Variants in SMYD3 observed in about 807,000 individuals in gnomAD.
SMYD3 encodes the protein histone-lysine N-methyltransferase SMYD3.
In SMYD3, 36 loss-of-function variants were observed where a neutral mutation model predicts 57.7. That is an observed-to-expected ratio of 0.62 (90% CI 0.48 to 0.82). SMYD3 has a LOEUF of 0.82. Among genes scored for constraint, SMYD3 ranks in the 40% least tolerant of loss-of-function variants. The pLI, the probability that SMYD3 is intolerant of heterozygous loss-of-function variation, is 0.00. For synonymous variants in SMYD3, 211 were observed against 195.0 expected (o/e 1.08, Z -0.68); for missense variants, 515 against 538.8 (o/e 0.96, Z 0.44).
rs536911034 is a variant in SMYD3 at position 246,444,157 on chromosome 1, C to T, written c.164+62897G>A. Among the ~76,000 whole-genome samples, 344 of 144,756 alleles carry T rather than the reference C, an allele frequency of 2.4e-3. 2 individuals carry two copies. The highest frequency in any genetic ancestry group is 4.1e-3 in the Non-Finnish European group (272 of 66,806). The allele number at this position is 144,756 out of a possible 152,430, so 95.0% of individuals were successfully genotyped here. On this transcript the variant is annotated intron_variant, in intron 1 of 11. Transcript: ENST00000490107. ...TTTTTTTTTTTTGGAGACAGAGTCT[C>T]GTTCTGTCACCCAGGCTAGAGTGCA...
At chr1:246,084,195 CTTTTTTT>C (rs772938424) in intron 5 of SMYD3, among the ~76,000 whole-genome samples, 1 of 135,486 alleles carries the variant, frequency 7.4e-6, no homozygotes, top group Non-Finnish European at 1.6e-5. Flanking sequence ...CTGACAATTC[CTTTTTTT>C]TTTTTTTTTT....
At chr1:245,826,343 A>G (rs1027276436) in intron 10 of SMYD3, among the ~76,000 whole-genome samples, 2 of 152,018 alleles carry the variant, frequency 1.3e-5, no homozygotes, top group African/African-American at 4.8e-5. Flanking sequence ...AGCTTCATCC[A>G]TGTTGTAGCA....
At chr1:246,358,995 C>CAA (rs113306569) in intron 1 of SMYD3, among the ~76,000 whole-genome samples, 3 of 150,962 alleles carry the variant, frequency 2.0e-5, no homozygotes, top group East Asian at 1.9e-4. Context: ...TTGAAACAAA[C>CAA]AAAAAAAATG....
intron 1 of SMYD3, among the ~76,000 whole-genome samples, chr1:246,451,196 C>A (rs187859404): frequency 1.2e-3 from 179 of 152,302 alleles, no homozygotes; most frequent in African/African-American, 4.2e-3. Context: ...TATCTGTTAG[C>A]TGACTGACAA....
chr1:245,929,949 AG>A lies in SMYD3; in HGVS notation c.532-13del. The A allele has an allele frequency of 6.2e-7, 1 of 1,611,524 alleles. No individual in the cohort carries two copies. Among genetic ancestry groups the A allele is most frequent in the Non-Finnish European group, 8.5e-7 (1 of 1,177,814 alleles). Reference sequence around the variant, plus strand: ...GAGTTGCAGATCACCTGTAAACACAAGGGGAACCATCAGTATTACTAGAGTC... The same window carrying A: ...GAGTTGCAGATCACCTGTAAACACAAGGGAACCATCAGTATTACTAGAGTC... On this transcript the variant is annotated splice_polypyrimidine_tract_variant and intron_variant, in intron 5 of 11. Transcript: ENST00000490107.
chr1:245,768,766 C>T (rs1024309413), intron 10 of SMYD3, among the ~76,000 whole-genome samples: 3 of 152,078 alleles, frequency 2.0e-5, no homozygotes, highest in African/African-American at 4.8e-5. Context: ...CACAGTGTTC[C>T]TTCCCTCCAG....
intron 1 of SMYD3, among the ~76,000 whole-genome samples, chr1:246,392,164 A>T (rs1405092272): frequency 6.6e-6 from 1 of 152,142 alleles, no homozygotes; most frequent in African/African-American, 2.4e-5. Context: ...CATAATAGGC[A>T]TTCGGTAAAT....
chr1:246,348,835 T>C (rs1227327280), intron 2 of SMYD3, among the ~76,000 whole-genome samples: 1 of 152,174 alleles, frequency 6.6e-6, no homozygotes, highest in Non-Finnish European at 1.5e-5. Flanking sequence ...TCAGTTATTC[T>C]ATTATAGCAG....
chr1:245,807,618 A>T (rs965602882), intron 10 of SMYD3, among the ~76,000 whole-genome samples: 6 of 152,188 alleles, frequency 3.9e-5, no homozygotes, highest in Admixed American at 6.5e-5. Context: ...GCATTCATGG[A>T]CTGGTAGTTA....
intron 5 of SMYD3, among the ~76,000 whole-genome samples, chr1:246,212,586 G>A (rs971843483): frequency 9.7e-6 from 1 of 103,414 alleles, no homozygotes; most frequent in African/African-American, 3.3e-5. Context: ...TTTGGTCACC[G>A]AAAAATGTCC....
At chr1:245,890,054 A>G (rs1339964871) in intron 8 of SMYD3, among the ~76,000 whole-genome samples, 2 of 151,190 alleles carry the variant, frequency 1.3e-5, no homozygotes, top group Admixed American at 6.6e-5. Flanking sequence ...CTAGATTTCT[A>G]TCTCTCACTA....
intron 5 of SMYD3, among the ~76,000 whole-genome samples, chr1:246,107,124 A>G (rs2061141351): frequency 7.6e-6 from 1 of 131,238 alleles, no homozygotes; most frequent in Non-Finnish European, 1.6e-5. Context: ...CGTCTCTACT[A>G]AAAATACAAA....
At chr1:245,955,818 C>CT (rs1404341825) in intron 5 of SMYD3, 1 of 466,382 alleles carries the variant, frequency 2.1e-6, no homozygotes, top group Non-Finnish European at 2.8e-6. Context: ...GCTTTGCATA[C>CT]TTTTGGCTAC....
At chr1:245,909,977 G>A (rs944794893) in intron 8 of SMYD3, among the ~76,000 whole-genome samples, 1 of 152,062 alleles carries the variant, frequency 6.6e-6, no homozygotes, top group Non-Finnish European at 1.5e-5. Context: ...AATTAGACAG[G>A]AGAAAAAATT....
chr1:246,476,269 A>C (rs1298604036), intron 1 of SMYD3, among the ~76,000 whole-genome samples: 1 of 152,202 alleles, frequency 6.6e-6, no homozygotes, highest in Non-Finnish European at 1.5e-5. Flanking sequence ...TGAGATGCAG[A>C]GGTTAAATTA....
intron 5 of SMYD3, among the ~76,000 whole-genome samples, chr1:245,965,026 A>G (rs1215320917): frequency 2.0e-5 from 3 of 152,184 alleles, no homozygotes; most frequent in Non-Finnish European, 2.9e-5. Flanking sequence ...TGGGCATATC[A>G]TATTTACAAC....
chr1:246,145,688 C>T lies in SMYD3; in HGVS notation c.531+181513G>A, dbSNP rs113402379. ...GCGTAAGCCTCTTAAATTGACTTTC[C>T]GACCTGAGAAAAGCAGCTAATTAAA... On this transcript the variant is annotated intron_variant, in intron 5 of 11. Coordinates refer to ENST00000490107, the MANE Select transcript of SMYD3 (RefSeq NM_001167740.2). 5.9e-4 allele frequency among the ~76,000 whole-genome samples: 90 copies of T among 152,220 alleles called. 1 individual carries two copies. Among genetic ancestry groups the T allele is most frequent in the African/African-American group, 2.1e-3 (86 of 41,550 alleles).
At chr1:245,817,393 CT>C (rs2048909776) in intron 10 of SMYD3, among the ~76,000 whole-genome samples, 1 of 148,446 alleles carries the variant, frequency 6.7e-6, no homozygotes, top group African/African-American at 2.5e-5. Flanking sequence ...AAAAACCCAT[CT>C]GTACATCACC....
At chr1:246,310,321 T>G (rs1483814378) in intron 5 of SMYD3, among the ~76,000 whole-genome samples, 5 of 152,040 alleles carry the variant, frequency 3.3e-5, no homozygotes, top group Non-Finnish European at 7.4e-5. Context: ...TGTCTGGAGG[T>G]GAGACACTGA....
Sources: gnomAD v4.1 joint callset for allele counts (sites outside exome capture counted in the v4.1 genomes callset) on GRCh38, gnomAD v4.1.1 for gene constraint, MANE v1.5 for transcripts, NCBI Gene and HGNC (gene_info 2026-07-23, HGNC 2026-07-21) for gene names.